Variants in XK observed in about 807,000 individuals in gnomAD.
XK encodes the protein endoplasmic reticulum membrane adapter protein XK.
In XK, 2 loss-of-function variants were observed where a neutral mutation model predicts 14.0. The ratio of observed to expected loss-of-function variants is 0.14; its 90% CI spans 0.06 to 0.45. XK has a LOEUF of 0.45. Ranked by LOEUF, XK falls within the 20% of genes least tolerant of loss-of-function variation. The pLI, the probability that XK is intolerant of heterozygous loss-of-function variation, is 0.98. For synonymous variants in XK, 149 were observed against 147.5 expected (o/e 1.01, Z -0.08); for missense variants, 235 against 341.5 (o/e 0.69, Z 2.46).
intron 2 of XK, among the ~76,000 whole-genome samples, chrX:37,726,645 C>A (rs1035733173): frequency 8.9e-6 from 1 of 112,238 alleles, no homozygotes; most frequent in African/African-American, 3.2e-5. Context: ...TGTAATACCA[C>A]GTTCCATTTA....
In XK at chrX:37,686,198, C is replaced by G; in HGVS notation, c.237C>G (p.Pro79=). Residue 79 remains proline, a synonymous_variant, in exon 1 of 3, where the codon CCC becomes CCG. Coordinates refer to ENST00000378616, the MANE Select transcript of XK (RefSeq NM_021083.4). ...VLLLHLLQLG[P]LFRCFEVFCI... The stretch of plus-strand genomic sequence containing the variant: ...TGCTGCACCTGCTGCAACTTGGGCC[C>G]CTTTTCAGGTGCGTGCAGAAGCCCA... 3 of 1,207,734 alleles carry G rather than the reference C, an allele frequency of 2.5e-6. No homozygotes were observed. The highest frequency in any genetic ancestry group is 1.8e-5 in the South Asian group (1 of 56,394).
intron 2 of XK, among the ~76,000 whole-genome samples, chrX:37,710,683 G>T (rs2146824839): frequency 9.0e-6 from 1 of 111,707 alleles, no homozygotes; most frequent in African/African-American, 3.2e-5. Flanking sequence ...ACCAACAAAG[G>T]ATTGTTTAGA....
chrX:37,707,237 C>T (rs1420258970), intron 2 of XK, among the ~76,000 whole-genome samples: 8 of 109,226 alleles, frequency 7.3e-5, no homozygotes, highest in African/African-American at 1.0e-4. Context: ...ACCTCCCGGA[C>T]GGGGCGGCTG....
At position 37,728,239 on chromosome X, in the gene XK, A is replaced by T; in HGVS notation, c.1112A>T (p.Gln371Leu). 1 of 1,211,177 alleles carries T rather than the reference A, an allele frequency of 8.3e-7. No individual in the cohort carries two copies. Among genetic ancestry groups the T allele is most frequent in the South Asian group, 1.8e-5 (1 of 56,969 alleles). The change falls in exon 3 of 3, where the codon CAG becomes CTG. Residue 371 changes from glutamine (Q) to leucine (L), a missense_variant. Transcript: ENST00000378616. ...ATTCTCTTCATGCTTGTATTCTATC[A>T]GTTCTTCCACCCTTGCAAAAAGCTC... ...TAILFMLVFY[Q>L]FFHPCKKLFS...
intron 2 of XK, among the ~76,000 whole-genome samples, chrX:37,707,138 G>A: frequency 8.9e-6 from 1 of 112,636 alleles, no homozygotes; most frequent in Admixed American, 9.3e-5. Context: ...TTCTCAATGA[G>A]CTGTTGGGTA....
chrX:37,714,428 GTCT>G (rs1328436773), intron 2 of XK, among the ~76,000 whole-genome samples: 3 of 111,138 alleles, frequency 2.7e-5, no homozygotes, highest in Non-Finnish European at 5.7e-5. Flanking sequence ...GGACTGGCCA[GTCT>G]TCTTCTTTCA....
At chrX:37,711,197 G>C (rs964580569) in intron 2 of XK, among the ~76,000 whole-genome samples, 1 of 112,582 alleles carries the variant, frequency 8.9e-6, no homozygotes, top group Non-Finnish European at 1.9e-5. Context: ...TTAAGATTTA[G>C]TATGGAGGCA....
intron 2 of XK, among the ~76,000 whole-genome samples, chrX:37,710,684 AT>A (rs1401438902): frequency 8.9e-6 from 1 of 112,005 alleles, no homozygotes; most frequent in Non-Finnish European, 1.9e-5. Context: ...CCAACAAAGG[AT>A]TGTTTAGAGA....
At chrX:37,702,359 C>T (rs1476998435) in intron 2 of XK, among the ~76,000 whole-genome samples, 1 of 112,044 alleles carries the variant, frequency 8.9e-6, no homozygotes, top group Non-Finnish European at 1.9e-5. Flanking sequence ...ACAAGCACAT[C>T]TTCCACATGG....
chrX:37,704,831 G>A (rs987010599), intron 2 of XK, among the ~76,000 whole-genome samples: 7 of 111,403 alleles, frequency 6.3e-5, no homozygotes, highest in East Asian at 2.8e-4. Flanking sequence ...ATGAAACTCC[G>A]TCTCAAAAGA....
At chrX:37,711,812 C>G (rs1927672487) in intron 2 of XK, among the ~76,000 whole-genome samples, 1 of 111,288 alleles carries the variant, frequency 9.0e-6, no homozygotes, top group East Asian at 2.8e-4. Flanking sequence ...CTAGGTTCAT[C>G]CAGGGACAAT....
chrX:37,708,968 A>T (rs956521290), intron 2 of XK, among the ~76,000 whole-genome samples: 17 of 112,577 alleles, frequency 1.5e-4, no homozygotes, highest in Non-Finnish European at 3.0e-4. Context: ...TATTAATTAT[A>T]ACTTTTAAGC....
intron 2 of XK, among the ~76,000 whole-genome samples, chrX:37,701,545 A>C (rs1927417324): frequency 1.8e-5 from 2 of 111,034 alleles, no homozygotes; most frequent in Admixed American, 9.5e-5. Context: ...TGGGTTTGAG[A>C]TCCTAGTTCA....
intron 2 of XK, among the ~76,000 whole-genome samples, chrX:37,696,509 T>C (rs895182194): frequency 1.2e-4 from 14 of 112,324 alleles, no homozygotes; most frequent in African/African-American, 4.2e-4. Flanking sequence ...ATGGCTGCCA[T>C]TTATGCAGGT....
At chrX:37,698,512 A>G (rs782011372) in intron 2 of XK, among the ~76,000 whole-genome samples, 20 of 89,390 alleles carry the variant, frequency 2.2e-4, no homozygotes, top group Non-Finnish European at 8.5e-5. Context: ...ATAAGGCGGG[A>G]GGATTGCTTG....
chrX:37,728,197 T>C lies in XK; in HGVS notation c.1070T>C (p.Ile357Thr), dbSNP rs782654569. Residue 357 changes from isoleucine to threonine, a missense_variant, in exon 3 of 3, where the codon ATT (isoleucine) becomes ACT (threonine). By Grantham distance (89) the Ile-to-Thr change is moderately conservative. Transcript: ENST00000378616. ...CAPLLVLQLL[I>T]GYCTAILFML... ...CCTCTGTTGGTCCTGCAGCTGCTCATTGGGTACTGCACAGCCATTCTCTTC... is the reference window on the plus strand; with the variant it reads ...CCTCTGTTGGTCCTGCAGCTGCTCACTGGGTACTGCACAGCCATTCTCTTC... 33 of 1,209,521 alleles carry C rather than the reference T, an allele frequency of 2.7e-5. No homozygotes were observed. The highest frequency in any genetic ancestry group is 3.5e-5 in the South Asian group (2 of 56,773).
At chrX:37,686,335 C>G (rs1328260966) in intron 1 of XK, 129 bp downstream of exon 1, 1 of 1,100,373 alleles carries the variant, frequency 9.1e-7, no homozygotes, top group Non-Finnish European at 1.2e-6. Context: ...AGCCGGTCCG[C>G]CATGCCCCTC....
chrX:37,716,457 G>A (rs1602155065), intron 2 of XK, among the ~76,000 whole-genome samples: 1 of 112,088 alleles, frequency 8.9e-6, no homozygotes, highest in East Asian at 2.8e-4. Context: ...ATTAGTGGAG[G>A]TAAGAATGTG....
chrX:37,721,348 G>A (rs782792204), intron 2 of XK, among the ~76,000 whole-genome samples: 2 of 110,601 alleles, frequency 1.8e-5, no homozygotes, highest in Non-Finnish European at 3.8e-5. Flanking sequence ...ACACTTTTTG[G>A]GATACCTATA....
Sources: gnomAD v4.1 joint callset for allele counts (sites outside exome capture counted in the v4.1 genomes callset) on GRCh38, gnomAD v4.1.1 for gene constraint, MANE v1.5 for transcripts, NCBI Gene and HGNC (gene_info 2026-07-23, HGNC 2026-07-21) for gene names.